The following RAC2 variants were observed in gnomAD, a reference collection of about 807,000 sequenced individuals.
RAC2 encodes the protein Rac family small GTPase 2.
RAC2 carries 1 observed loss-of-function variant against 24.0 expected under a neutral mutation model. That is an observed-to-expected ratio of 0.04 (90% CI 0.01 to 0.20). The LOEUF is 0.20. Ranked by LOEUF, RAC2 falls within the 10% of genes least tolerant of loss-of-function variation. The pLI is 1.00. For synonymous variants in RAC2, 114 were observed against 106.8 expected, an observed-to-expected ratio of 1.07 and a Z score of -0.41; for missense variants, 130 against 259.1, an observed-to-expected ratio of 0.50 and a Z score of 3.42.
chr22:37,226,440 TG>T (rs1344283807), intron 6 of RAC2, among the ~76,000 whole-genome samples: 2 of 150,666 alleles, frequency 1.3e-5, no homozygotes, highest in African/African-American at 2.5e-5. Flanking sequence ...GGCCCGGGGG[TG>T]GGGGGTTACC....
chr22:37,226,852 G>A (rs768357934), intron 5 of RAC2, 49 bp from the exon 6 acceptor site: 11 of 1,604,942 alleles, frequency 6.9e-6, no homozygotes, highest in Admixed American at 6.7e-5. Context: ...GGCGGGGGGG[G>A]TTCTGGGCCA....
intron 2 of RAC2, among the ~76,000 whole-genome samples, chr22:37,237,175 G>A (rs185232531): frequency 1.6e-3 from 235 of 144,790 alleles, no homozygotes; most frequent in Middle Eastern, 0.014. Context: ...GTGACACAGC[G>A]AGACTCCGTC....
At position 37,236,888 on chromosome 22, in the gene RAC2, T is replaced by C. The variant is rs145711085; in HGVS notation, c.108-3970A>G. Among the ~76,000 whole-genome samples the C allele has an allele frequency of 5.1e-3, 770 of 152,064 alleles. 3 individuals carry two copies. Among genetic ancestry groups the C allele is most frequent in the South Asian group, 0.01 (49 of 4,814 alleles). On this transcript the variant is annotated intron_variant, in intron 2 of 6. Transcript: ENST00000249071. Reference sequence around the variant, plus strand: ...GCCAGGCAGAGGTGATGAGATCAGATTTGCATTTATAAAAGGTCCCAGCTG... The same window carrying C: ...GCCAGGCAGAGGTGATGAGATCAGACTTGCATTTATAAAAGGTCCCAGCTG...
At chr22:37,230,537 G>A (rs1365673566) in intron 5 of RAC2, among the ~76,000 whole-genome samples, 1 of 152,134 alleles carries the variant, frequency 6.6e-6, no homozygotes, top group Non-Finnish European at 1.5e-5. Context: ...GCAGCCCTGA[G>A]CCACTACAAA....
intron 2 of RAC2, chr22:37,241,102 C>G (rs760272207): frequency 1.3e-6 from 1 of 774,600 alleles, no homozygotes; most frequent in Non-Finnish European, 2.4e-6. Flanking sequence ...CACCAACACG[C>G]TCCCTCCACG....
intron 2 of RAC2, among the ~76,000 whole-genome samples, chr22:37,235,561 C>T (rs746500704): frequency 6.6e-6 from 1 of 152,202 alleles, no homozygotes; most frequent in Non-Finnish European, 1.5e-5. Context: ...TGCCGCTGCA[C>T]CCTGGGGCCA....
At chr22:37,239,010 T>G (rs1927316402) in intron 2 of RAC2, among the ~76,000 whole-genome samples, 1 of 152,172 alleles carries the variant, frequency 6.6e-6, no homozygotes, top group Non-Finnish European at 1.5e-5. Flanking sequence ...CCAGAAGCTC[T>G]CTCCACCTTA....
In RAC2 at chr22:37,226,659, G is replaced by T; in HGVS notation, c.*2+12C>A. 2 of 1,612,148 alleles carry T rather than the reference G, an allele frequency of 1.2e-6. No homozygotes were observed. Among genetic ancestry groups the T allele is most frequent in the South Asian group, 2.2e-5 (2 of 90,942 alleles). ...TGTATGGGAGTTGGGCACTAGAGTGGGGGACTCTTACCCCTAGAGGAGGCT... is the reference window on the plus strand; with the variant it reads ...TGTATGGGAGTTGGGCACTAGAGTGTGGGACTCTTACCCCTAGAGGAGGCT... On this transcript the variant is annotated intron_variant, in intron 6 of 6. Coordinates refer to ENST00000249071, the MANE Select transcript of RAC2 (RefSeq NM_002872.5).
rs1367065341 is a variant in RAC2, at chr22:37,232,816, G to A, written c.210C>T (p.Leu70=). 6.2e-7 allele frequency: 1 copy of A among 1,613,406 alleles called. No homozygotes were observed. Among genetic ancestry groups the A allele is most frequent in the African/African-American group, 1.3e-5 (1 of 74,906 alleles). Residue 70 remains leucine (L), a synonymous_variant, in exon 3 of 7, where the codon CTC becomes CTT. Coordinates refer to ENST00000249071, the MANE Select transcript of RAC2 (RefSeq NM_002872.5). ...AGCAGCACACCGTCTGTGGATAGGA[G>A]AGCGGCCGGAGACGGTCGTAGTCCT... ...GQEDYDRLRP[L]SYPQTDVFLI...
At chr22:37,240,312 G>A (rs908337855) in intron 2 of RAC2, among the ~76,000 whole-genome samples, 3 of 152,356 alleles carry the variant, frequency 2.0e-5, no homozygotes, top group Non-Finnish European at 2.9e-5. Flanking sequence ...GAGGGCCCCC[G>A]CGAGGTTCTG....
chr22:37,232,219 C>T (rs1386793505), intron 3 of RAC2, among the ~76,000 whole-genome samples: 2 of 152,222 alleles, frequency 1.3e-5, no homozygotes, highest in Non-Finnish European at 2.9e-5. Context: ...AGTGGTTATC[C>T]TCACATGTCA....
chr22:37,232,353 T>C (rs1001761285), intron 3 of RAC2: 5 of 442,772 alleles, frequency 1.1e-5, no homozygotes, highest in Admixed American at 3.5e-5. Flanking sequence ...GAGTCCATAC[T>C]CCAATCCATA....
rs79198890 is a variant in RAC2 at position 37,240,785 on chromosome 22, C to G, written c.107+802G>C. The G allele has an allele frequency of 1.6e-5, 8 of 514,230 alleles. No individual in the cohort carries two copies. In the Admixed American group the frequency reaches 2.2e-4, roughly 14 times the overall value. 31.9% of individuals were successfully genotyped at this position (514,230 alleles called of 1,614,324 possible). ...CCCGGAGGAGGGGGCACTGGAGCTGCGCCTGGAGGCTTTAGACAGGTGGAT... is the reference window on the plus strand; with the variant it reads ...CCCGGAGGAGGGGGCACTGGAGCTGGGCCTGGAGGCTTTAGACAGGTGGAT... On this transcript the variant is annotated intron_variant, in intron 2 of 6. Transcript: ENST00000249071.
At chr22:37,237,871 T>G (rs1927281078) in intron 2 of RAC2, among the ~76,000 whole-genome samples, 1 of 151,316 alleles carries the variant, frequency 6.6e-6, no homozygotes, top group Non-Finnish European at 1.5e-5. Flanking sequence ...CAAGATGAAG[T>G]CGGGCTGTCG....
intron 2 of RAC2, among the ~76,000 whole-genome samples, chr22:37,234,078 G>A (rs1347902023): frequency 1.3e-5 from 2 of 152,000 alleles, no homozygotes; most frequent in Admixed American, 6.5e-5. Context: ...CAGGGCCATC[G>A]AACGAGCCTC....
chr22:37,229,238 C>T (rs908072865), intron 5 of RAC2, among the ~76,000 whole-genome samples: 2 of 130,278 alleles, frequency 1.5e-5, no homozygotes, highest in African/African-American at 6.1e-5. Flanking sequence ...CATTGCCATG[C>T]GATGGCTCAT....
chr22:37,240,068 C>G (rs1279160108), intron 2 of RAC2, among the ~76,000 whole-genome samples: 1 of 152,204 alleles, frequency 6.6e-6, no homozygotes, highest in Admixed American at 6.5e-5. Context: ...CTGCCTTCCT[C>G]TAGCCTGGGC....
In RAC2 at chr22:37,226,845, G is replaced by A. The variant is rs200023542; in HGVS notation, c.449-42C>T. On this transcript the variant is annotated intron_variant, in intron 5 of 6. Transcript: ENST00000249071. ...ACAGGAGAGCCAAGGCCTAAGTGGC[G>A]GGGGGGGTTCTGGGCCAACATGTCT... The A allele has an allele frequency of 3.7e-4, 586 of 1,583,678 alleles. 1 individual carries two copies. The highest frequency in any genetic ancestry group is 4.6e-4 in the Non-Finnish European group (537 of 1,160,344).
At chr22:37,241,881 G>C (rs986556881) in intron 1 of RAC2, among the ~76,000 whole-genome samples, 3 of 152,208 alleles carry the variant, frequency 2.0e-5, no homozygotes, top group Non-Finnish European at 4.4e-5. Context: ...CAGCCCCAGA[G>C]ATTCTGATCC....
Sources: allele counts gnomAD v4.1 joint callset (sites outside exome capture counted in the v4.1 genomes callset), GRCh38; gene constraint gnomAD v4.1.1; transcripts MANE v1.5; gene names NCBI Gene and HGNC (gene_info 2026-07-23, HGNC 2026-07-21).